The following FAF1 variants were observed in gnomAD, a reference collection of about 807,000 sequenced individuals.
FAF1 encodes the protein Fas associated factor 1.
Under a neutral mutation model 92.5 loss-of-function variants are expected in FAF1, and 25 were observed. The observed-to-expected ratio is 0.27, with a 90% CI of 0.20 to 0.38. FAF1 has a LOEUF of 0.38. Among genes scored for constraint, FAF1 ranks in the 10% least tolerant of loss-of-function variants. The pLI is 1.00. For missense variants in FAF1, 636 were observed against 793.3 expected, an observed-to-expected ratio of 0.80 and a Z score of 2.38; for synonymous variants, 234 against 273.2, an observed-to-expected ratio of 0.86 and a Z score of 1.42.
intron 7 of FAF1, among the ~76,000 whole-genome samples, chr1:50,694,577 G>A (rs1191337506): frequency 6.7e-6 from 1 of 149,832 alleles, no homozygotes; most frequent in African/African-American, 2.5e-5. Flanking sequence ...ACCCACAAAG[G>A]TCTCCAAACC....
At chr1:50,732,084 ATTTAT>A (rs1233281677) in intron 6 of FAF1, among the ~76,000 whole-genome samples, 1 of 151,478 alleles carries the variant, frequency 6.6e-6, no homozygotes. Flanking sequence ...TTATTTATTT[ATTTAT>A]TTTGAGACAG....
intron 4 of FAF1, among the ~76,000 whole-genome samples, chr1:50,762,967 G>A (rs1008135277): frequency 3.9e-5 from 6 of 152,008 alleles, no homozygotes; most frequent in Non-Finnish European, 7.4e-5. Flanking sequence ...TTAAAATATA[G>A]AATGTAGGCC....
chr1:50,460,016 G>T (rs1221457061), intron 18 of FAF1, among the ~76,000 whole-genome samples: 2 of 152,192 alleles, frequency 1.3e-5, no homozygotes, highest in African/African-American at 4.8e-5. Context: ...ACTATGCATA[G>T]AATATACTCA....
intron 13 of FAF1, among the ~76,000 whole-genome samples, chr1:50,560,494 C>T (rs1649852455): frequency 6.6e-6 from 1 of 152,186 alleles, no homozygotes; most frequent in Non-Finnish European, 1.5e-5. Context: ...GTGTATGTTA[C>T]AAGCAACCTG....
intron 13 of FAF1, among the ~76,000 whole-genome samples, chr1:50,555,596 TAA>T (rs1649538305): frequency 1.3e-5 from 2 of 152,024 alleles, no homozygotes; most frequent in South Asian, 4.1e-4. Context: ...CAGCCATTAT[TAA>T]AAAGTCAAAA....
chr1:50,599,966 AATGAGCATT>A (rs1652018450), intron 8 of FAF1, among the ~76,000 whole-genome samples: 1 of 152,224 alleles, frequency 6.6e-6, no homozygotes. Flanking sequence ...GAAATGCTCC[AATGAGCATT>A]TCCTTTTAAC....
rs574708356 is a variant in FAF1, at chr1:50,678,805, G to C, written c.658-23277C>G. On this transcript the variant is annotated intron_variant, in intron 7 of 18. Coordinates refer to ENST00000396153, the MANE Select transcript of FAF1 (RefSeq NM_007051.3). ...AAAAAAAAAAAAAAAAAAAAAAAAA[G>C]GCCAGTCATGGTGGCTCACGCCTGT... is the stretch of plus-strand genomic sequence containing the variant. Among the ~76,000 whole-genome samples the C allele has an allele frequency of 1.4e-4, 10 of 73,078 alleles. No homozygotes were observed. In the South Asian group the frequency reaches 3.5e-3, roughly 26 times the overall value. 47.9% of individuals were successfully genotyped at this position (73,078 alleles called of 152,430 possible).
chr1:50,877,917 C>G (rs1007548697), intron 1 of FAF1, among the ~76,000 whole-genome samples: 7 of 152,152 alleles, frequency 4.6e-5, no homozygotes, highest in African/African-American at 1.7e-4. Flanking sequence ...GCTGAAATGG[C>G]CTTCTATAAC....
chr1:50,795,816 T>C (rs1232140118), intron 3 of FAF1, among the ~76,000 whole-genome samples: 1 of 152,114 alleles, frequency 6.6e-6, no homozygotes, highest in Non-Finnish European at 1.5e-5. Flanking sequence ...CATTTTGTAC[T>C]CCTCATGGCA....
chr1:50,634,084 G>A (rs986598773), intron 8 of FAF1, among the ~76,000 whole-genome samples: 2 of 151,944 alleles, frequency 1.3e-5, no homozygotes, highest in Admixed American at 6.6e-5. Context: ...GTCATGATGC[G>A]AAGCAACAAT....
intron 13 of FAF1, among the ~76,000 whole-genome samples, chr1:50,563,408 T>C (rs1234888650): frequency 6.6e-6 from 1 of 151,134 alleles, no homozygotes; most frequent in African/African-American, 2.4e-5. Flanking sequence ...CAGGGCAACA[T>C]AACGAGACCT....
chr1:50,758,460 C>G (rs1660173618), intron 4 of FAF1, among the ~76,000 whole-genome samples: 1 of 152,234 alleles, frequency 6.6e-6, no homozygotes, highest in South Asian at 2.1e-4. Flanking sequence ...TTATTGTTGT[C>G]ATACCTGTAC....
intron 1 of FAF1, among the ~76,000 whole-genome samples, chr1:50,910,263 C>A (rs903291582): frequency 1.3e-5 from 2 of 152,190 alleles, no homozygotes; most frequent in Non-Finnish European, 2.9e-5. Flanking sequence ...CAGAGGGGCA[C>A]CCGGCTGAAT....
intron 3 of FAF1, among the ~76,000 whole-genome samples, chr1:50,798,808 C>A (rs1320600377): frequency 6.6e-6 from 1 of 152,166 alleles, no homozygotes; most frequent in East Asian, 1.9e-4. Context: ...CTATAAAAAA[C>A]CAAGCTGTGG....
chr1:50,789,424 C>T (rs751730648), intron 3 of FAF1, among the ~76,000 whole-genome samples: 16 of 152,138 alleles, frequency 1.1e-4, no homozygotes, highest in Admixed American at 3.9e-4. Flanking sequence ...AAGTCTGACC[C>T]TCCTCCATTA....
chr1:50,930,582 T>C (rs1439588595), intron 1 of FAF1, among the ~76,000 whole-genome samples: 1 of 152,222 alleles, frequency 6.6e-6, no homozygotes, highest in Non-Finnish European at 1.5e-5. Context: ...AAGCCTGTAA[T>C]CCCAGCACTT....
intron 8 of FAF1, among the ~76,000 whole-genome samples, chr1:50,611,213 C>T (rs1652669881): frequency 6.6e-6 from 1 of 152,098 alleles, no homozygotes; most frequent in African/African-American, 2.4e-5. Context: ...CCAGTTAAAG[C>T]AAAGCAGCTA....
intron 6 of FAF1, among the ~76,000 whole-genome samples, chr1:50,722,376 C>T (rs1217269323): frequency 2.0e-5 from 3 of 152,134 alleles, no homozygotes; most frequent in Admixed American, 6.5e-5. Flanking sequence ...AGGCCGGGCG[C>T]GGTGGCTCAC....
intron 4 of FAF1, among the ~76,000 whole-genome samples, chr1:50,778,773 G>C (rs1471157931): frequency 6.6e-6 from 1 of 151,876 alleles, no homozygotes; most frequent in Non-Finnish European, 1.5e-5. Context: ...TAAACTAAGA[G>C]TGTGCCACTG....
Sources: gnomAD v4.1 joint callset for allele counts (sites outside exome capture counted in the v4.1 genomes callset) on GRCh38, gnomAD v4.1.1 for gene constraint, MANE v1.5 for transcripts, NCBI Gene and HGNC (gene_info 2026-07-23, HGNC 2026-07-21) for gene names.